Variants in CDYL2 observed in about 807,000 individuals in gnomAD.
CDYL2 encodes chromodomain Y-like protein 2.
CDYL2 carries 23 observed loss-of-function variants against 49.4 expected under a neutral mutation model. The observed-to-expected ratio is 0.47, with a 90% CI of 0.34 to 0.66. The LOEUF is 0.66. Ranked by LOEUF, CDYL2 falls within the 30% of genes least tolerant of loss-of-function variation. CDYL2 has a pLI of 0.01. For synonymous variants in CDYL2, 360 were observed against 268.8 expected, an observed-to-expected ratio of 1.34 and a Z score of -3.32; for missense variants, 678 against 656.4, an observed-to-expected ratio of 1.03 and a Z score of -0.36.
intron 1 of CDYL2, among the ~76,000 whole-genome samples, chr16:80,771,533 G>A (rs1029110376): frequency 6.6e-6 from 1 of 152,102 alleles, no homozygotes; most frequent in Non-Finnish European, 1.5e-5. Flanking sequence ...GTGAAACCCC[G>A]TATCTACCAA....
intron 1 of CDYL2, among the ~76,000 whole-genome samples, chr16:80,774,191 A>G (rs1296124064): frequency 2.6e-5 from 4 of 152,230 alleles, no homozygotes; most frequent in African/African-American, 9.6e-5. Context: ...TATTTGATAC[A>G]TACACATAAA....
chr16:80,604,895 T>C (rs1906263645), intron 6 of CDYL2, among the ~76,000 whole-genome samples: 1 of 152,216 alleles, frequency 6.6e-6, no homozygotes, highest in South Asian at 2.1e-4. Flanking sequence ...GTGATTCATT[T>C]TCATGATCTG....
chr16:80,724,113 G>C (rs1171157599), intron 1 of CDYL2, among the ~76,000 whole-genome samples: 1 of 149,318 alleles, frequency 6.7e-6, no homozygotes, highest in African/African-American at 2.5e-5. Context: ...AAGAGGAAGA[G>C]AAAGGAGAAG....
chr16:80,639,921 A>G (rs1159841456), intron 2 of CDYL2, among the ~76,000 whole-genome samples: 3 of 152,236 alleles, frequency 2.0e-5, no homozygotes, highest in Non-Finnish European at 4.4e-5. Flanking sequence ...CATTTAGACC[A>G]GCCCTAGCCA....
intron 1 of CDYL2, chr16:80,742,155 T>C (rs142243543): frequency 1.1e-3 from 168 of 152,334 alleles, no homozygotes; most frequent in Non-Finnish European, 1.5e-3. Flanking sequence ...CAATACGAGG[T>C]GGGGTCAGAA....
intron 1 of CDYL2, among the ~76,000 whole-genome samples, chr16:80,750,435 A>G (rs1483444055): frequency 6.6e-6 from 1 of 151,860 alleles, no homozygotes. Context: ...AGCACTGATT[A>G]AAAAACAAAC....
chr16:80,754,118 T>A (rs1294061073), intron 1 of CDYL2, among the ~76,000 whole-genome samples: 2 of 152,168 alleles, frequency 1.3e-5, no homozygotes, highest in Admixed American at 6.5e-5. Context: ...TTTTACAAGC[T>A]CAACACAATC....
At chr16:80,799,233 T>C (rs1010456174) in intron 1 of CDYL2, among the ~76,000 whole-genome samples, 2 of 152,168 alleles carry the variant, frequency 1.3e-5, no homozygotes, top group East Asian at 3.9e-4. Context: ...GCTAAATATA[T>C]AACAATAGTT....
At chr16:80,767,523 AG>A (rs1906767133) in intron 1 of CDYL2, among the ~76,000 whole-genome samples, 1 of 152,234 alleles carries the variant, frequency 6.6e-6, no homozygotes, top group South Asian at 2.1e-4. Flanking sequence ...GATCTAAATA[AG>A]GGGCCATCAG....
intron 1 of CDYL2, among the ~76,000 whole-genome samples, chr16:80,724,929 C>T (rs893339186): frequency 4.6e-5 from 7 of 152,190 alleles, no homozygotes; most frequent in African/African-American, 1.2e-4. Context: ...TCTGTAAGAT[C>T]GTGTCCTCAA....
chr16:80,730,288 G>A lies in CDYL2; in HGVS notation c.25-45159C>T, dbSNP rs564768627. On this transcript the variant is annotated intron_variant, in intron 1 of 6. Transcript: ENST00000570137. ...AGGGGATATCACCACCGATCCCACA[G>A]AAATACAAACTGCCATTAGAGAATG... is the stretch of plus-strand genomic sequence containing the variant. Among the ~76,000 whole-genome samples, 114 of 152,282 alleles carry A rather than the reference G, an allele frequency of 7.5e-4. 1 individual carries two copies. Among genetic ancestry groups the A allele is most frequent in the South Asian group, 4.6e-3 (22 of 4,822 alleles).
rs531074587 is a variant in CDYL2 at position 80,612,916 on chromosome 16, C to T, written c.1008-80G>A. On this transcript the variant is annotated intron_variant, in intron 4 of 6. Coordinates refer to ENST00000570137, the MANE Select transcript of CDYL2 (RefSeq NM_152342.4). This position sits in a 1 kb window ranked among gnomAD's most constrained non-coding sequence, Gnocchi z 5.0. ...CTGGAACCCTTGACTCTCCCAGGTG[C>T]TGTGAGGAGCACCCTCAGGTCGTCA... 1.0e-4 allele frequency: 136 copies of T among 1,314,168 alleles called. No individual in the cohort carries two copies. The South Asian group carries it at 1.9e-3, about 18-fold the overall frequency. 81.4% of individuals were successfully genotyped at this position (1,314,168 alleles called of 1,614,324 possible).
At chr16:80,651,209 C>G (rs528587464) in intron 2 of CDYL2, among the ~76,000 whole-genome samples, 42 of 152,028 alleles carry the variant, frequency 2.8e-4, no homozygotes, top group Non-Finnish European at 5.0e-4. Flanking sequence ...TCAAAACATC[C>G]CATGTACCCA....
Position 80,603,638 on chromosome 16 carries a change from C to T in CDYL2, c.*750G>A, listed in dbSNP as rs1447591327. On this transcript the variant is annotated 3_prime_UTR_variant, in exon 7 of 7. Transcript: ENST00000570137. ...ATGAAAATAGTATCTGTGTGAACAA[C>T]AGACATCACAATATATAAACAAAAA... 6.6e-6 allele frequency: 1 copy of T among 152,562 alleles called. No individual in the cohort carries two copies. The highest frequency in any genetic ancestry group is 2.4e-5 in the African/African-American group (1 of 41,420). The allele number at this position is 152,562 out of a possible 1,614,324, so 9.5% of individuals were successfully genotyped here. A position where few individuals can be genotyped will look rare whatever the true frequency, so the allele number is the denominator to read the frequency against.
intron 1 of CDYL2, among the ~76,000 whole-genome samples, chr16:80,776,054 A>G (rs60901292): frequency 0.014 from 2,068 of 152,110 alleles, 104 homozygotes; most frequent in East Asian, 0.13. Flanking sequence ...ACAAAAAAAC[A>G]AACAATAATA....
chr16:80,674,988 A>G (rs1437686886), intron 2 of CDYL2, among the ~76,000 whole-genome samples: 1 of 152,174 alleles, frequency 6.6e-6, no homozygotes, highest in Non-Finnish European at 1.5e-5. Flanking sequence ...GAATATGTGC[A>G]TGTGTATGTA....
At chr16:80,674,897 C>A (rs1412521368) in intron 2 of CDYL2, among the ~76,000 whole-genome samples, 1 of 152,194 alleles carries the variant, frequency 6.6e-6, no homozygotes, top group Non-Finnish European at 1.5e-5. Flanking sequence ...TTGAGGGAGT[C>A]CCCTTTACAA....
chr16:80,640,895 A>G (rs1908055278), intron 2 of CDYL2, among the ~76,000 whole-genome samples: 2 of 152,238 alleles, frequency 1.3e-5, no homozygotes, highest in African/African-American at 4.8e-5. Flanking sequence ...TTGAAAATAT[A>G]TAGTCAGAGG....
chr16:80,693,630 C>A (rs1910503502), intron 1 of CDYL2, among the ~76,000 whole-genome samples: 1 of 152,154 alleles, frequency 6.6e-6, no homozygotes, highest in Non-Finnish European at 1.5e-5. Context: ...TTACTTGGTA[C>A]AGCAACATAA....
Sources: gnomAD v4.1 joint callset for allele counts (sites outside exome capture counted in the v4.1 genomes callset) on GRCh38, gnomAD v4.1.1 for gene constraint, Gnocchi (gnomAD v3.1) non-coding constraint, MANE v1.5 for transcripts, NCBI Gene and HGNC (gene_info 2026-07-23, HGNC 2026-07-21) for gene names.